NBAS: variants seen among roughly 807,000 people sequenced by gnomAD.
The protein encoded by NBAS is NBAS subunit of NRZ tethering complex, also known as NAG/BC035112 fusion.
NBAS carries 219 observed loss-of-function variants against 302.5 expected under a neutral mutation model. That is an observed-to-expected ratio of 0.72 (90% CI 0.65 to 0.81). The LOEUF (loss-of-function observed/expected upper bound fraction) is 0.81, where lower values mean the gene tolerates loss of function less well. Among genes scored for constraint, NBAS ranks in the 30% least tolerant of loss-of-function variants. The pLI is 0.00. For synonymous variants in NBAS, 1,118 were observed against 1,021.6 expected (o/e 1.09, Z -1.80); for missense variants, 2,932 against 2,841.6 (o/e 1.03, Z -0.72).
In NBAS at chr2:15,327,876, CA is replaced by C. The variant is rs770918522; in HGVS notation, c.4462-7del. ...GTGTCATAGGTCCCTTCAGACTACA[CA>C]AAAGAAGCAGTTTCACTATCTAGTA... On this transcript the variant is annotated splice_polypyrimidine_tract_variant and splice_region_variant and intron_variant, in intron 37 of 51. Coordinates refer to ENST00000281513, the MANE Select transcript of NBAS (RefSeq NM_015909.4). 39 of 1,613,508 alleles carry C rather than the reference CA, an allele frequency of 2.4e-5. No homozygotes were observed. Among genetic ancestry groups the C allele is most frequent in the Admixed American group, 6.7e-5 (4 of 59,968 alleles).
At chr2:15,168,336 T>C (rs573614849) in intron 51 of NBAS, among the ~76,000 whole-genome samples, 6 of 152,340 alleles carry the variant, frequency 3.9e-5, no homozygotes, top group African/African-American at 1.2e-4. Context: ...AGAAAGGCTA[T>C]TGAAGATGCG....
the NBAS span, among the ~76,000 whole-genome samples, chr2:14,827,471 T>C: frequency 6.6e-6 from 1 of 152,214 alleles, no homozygotes; most frequent in South Asian, 2.1e-4. Context: ...CTTTTGTGAA[T>C]AATGCTGTCA....
intron 23 of NBAS, among the ~76,000 whole-genome samples, chr2:15,423,500 A>G (rs964460405): frequency 6.6e-6 from 1 of 152,200 alleles, no homozygotes; most frequent in Non-Finnish European, 1.5e-5. Context: ...TAAAATTTTT[A>G]AAAAACTTGT....
At chr2:15,095,153 T>G in the NBAS span, among the ~76,000 whole-genome samples, 1 of 152,196 alleles carries the variant, frequency 6.6e-6, no homozygotes, top group African/African-American at 2.4e-5. Context: ...GAACGGCCAT[T>G]GCATACACAT....
intron 38 of NBAS, 139 bp from the exon 39 acceptor site, chr2:15,309,386 A>G (rs1482030980): frequency 7.7e-6 from 5 of 651,846 alleles, no homozygotes; most frequent in Admixed American, 2.3e-5. Flanking sequence ...GTTCAGCACC[A>G]TCTAAAAACA....
At chr2:15,356,154 C>G (rs983784752) in intron 33 of NBAS, 149 bp downstream of exon 33, 1 of 701,174 alleles carries the variant, frequency 1.4e-6, no homozygotes, top group African/African-American at 1.8e-5. Flanking sequence ...AGTACACAGC[C>G]TATATACTTA....
chr2:15,418,680 G>C (rs1233047167), intron 23 of NBAS, among the ~76,000 whole-genome samples: 5 of 152,164 alleles, frequency 3.3e-5, no homozygotes, highest in Non-Finnish European at 5.9e-5. Context: ...AAGAATCAAA[G>C]GGTATTTGTG....
At chr2:14,821,390 T>C in the NBAS span, among the ~76,000 whole-genome samples, 1 of 152,186 alleles carries the variant, frequency 6.6e-6, no homozygotes, top group African/African-American at 2.4e-5. Context: ...GATGATATTC[T>C]TGCCTGACTT....
At chr2:14,841,500 CAAAA>C in the NBAS span, among the ~76,000 whole-genome samples, 515 of 122,064 alleles carry the variant, frequency 4.2e-3, 2 homozygotes, top group African/African-American at 8.2e-3. Context: ...CAACTGGAAA[CAAAA>C]AAAAAAAAAA....
the NBAS span, among the ~76,000 whole-genome samples, chr2:15,129,557 T>C: frequency 2.8e-4 from 43 of 152,346 alleles, no homozygotes; most frequent in African/African-American, 9.9e-4. Flanking sequence ...GGGGCTCCCA[T>C]GCCTGCATGC....
intron 11 of NBAS, among the ~76,000 whole-genome samples, chr2:15,493,623 C>T (rs576758322): frequency 1.4e-4 from 21 of 150,940 alleles, no homozygotes; most frequent in Non-Finnish European, 2.2e-4. Context: ...ACCGAGATCA[C>T]GCCATTGCAC....
At chr2:14,904,813 G>A in the NBAS span, among the ~76,000 whole-genome samples, 1 of 152,226 alleles carries the variant, frequency 6.6e-6, no homozygotes, top group Non-Finnish European at 1.5e-5. Flanking sequence ...ACTTTGGGAG[G>A]CCGAGGCAGG....
chr2:14,909,836 G>A, the NBAS span, among the ~76,000 whole-genome samples: 1 of 152,230 alleles, frequency 6.6e-6, no homozygotes, highest in Non-Finnish European at 1.5e-5. Context: ...CACATGTCCA[G>A]CAGCAGCTGT....
the NBAS span, among the ~76,000 whole-genome samples, chr2:14,837,882 T>A: frequency 1.3e-4 from 19 of 151,918 alleles, no homozygotes; most frequent in African/African-American, 4.6e-4. Flanking sequence ...AATATTGCCT[T>A]TAGTATTTAC....
intron 6 of NBAS, among the ~76,000 whole-genome samples, chr2:15,543,773 G>A (rs1000642720): frequency 6.6e-6 from 1 of 152,342 alleles, no homozygotes; most frequent in Admixed American, 6.5e-5. Flanking sequence ...CAACACGTGG[G>A]AGTTATGGGA....
At chr2:15,038,714 C>CTAA in the NBAS span, among the ~76,000 whole-genome samples, 2 of 151,866 alleles carry the variant, frequency 1.3e-5, no homozygotes, top group Non-Finnish European at 2.9e-5. Flanking sequence ...GCAGCAGTAG[C>CTAA]CTATTTCCAA....
intron 45 of NBAS, among the ~76,000 whole-genome samples, chr2:15,235,631 G>A (rs550198001): frequency 6.6e-6 from 1 of 152,108 alleles, no homozygotes; most frequent in African/African-American, 2.4e-5. Context: ...TCATGTTATA[G>A]TGGTTATTTT....
intron 25 of NBAS, among the ~76,000 whole-genome samples, chr2:15,413,192 A>C (rs777305952): frequency 1.3e-5 from 2 of 152,204 alleles, no homozygotes; most frequent in African/African-American, 2.4e-5. Flanking sequence ...TCCCAAATAA[A>C]ATCTTTTCAT....
intron 25 of NBAS, among the ~76,000 whole-genome samples, chr2:15,403,729 T>C (rs958795000): frequency 1.3e-5 from 2 of 152,092 alleles, no homozygotes; most frequent in African/African-American, 4.8e-5. Context: ...CTGAAAAATG[T>C]CATCTGACAA....
Sources: allele counts gnomAD v4.1 joint callset (sites outside exome capture counted in the v4.1 genomes callset), GRCh38; gene constraint gnomAD v4.1.1; transcripts MANE v1.5; gene names NCBI Gene and HGNC (gene_info 2026-07-23, HGNC 2026-07-21).